Variants in ZNF407 observed in about 807,000 individuals in gnomAD.
ZNF407 encodes the protein zinc finger protein 407.
A neutral mutation model predicts 131.2 loss-of-function variants in ZNF407; 17 were observed. The observed-to-expected ratio is 0.13, with a 90% CI of 0.09 to 0.19. The LOEUF is 0.19. ZNF407 is among the 10% of genes least tolerant of loss of function. The probability of loss-of-function intolerance (pLI) is 1.00; values close to 1 mark genes in which losing one functional copy is unlikely to be tolerated. For missense variants in ZNF407, 2,681 were observed against 2,830.6 expected, an observed-to-expected ratio of 0.95 and a Z score of 1.20; for synonymous variants, 1,156 against 1,062.0, an observed-to-expected ratio of 1.09 and a Z score of -1.72.
chr18:74,997,772 T>A (rs962291487), intron 8 of ZNF407, among the ~76,000 whole-genome samples: 5 of 152,194 alleles, frequency 3.3e-5, no homozygotes, highest in African/African-American at 1.2e-4. Flanking sequence ...CTGCTCTTCT[T>A]CTTCCTGCGT....
intron 3 of ZNF407, among the ~76,000 whole-genome samples, chr18:74,647,054 A>T (rs1040199618): frequency 1.3e-5 from 2 of 152,088 alleles, no homozygotes; most frequent in Non-Finnish European, 2.9e-5. Flanking sequence ...CTGTGTCTAA[A>T]GTCTTTTCCA....
chr18:74,846,211 T>C (rs1212393968), intron 4 of ZNF407, among the ~76,000 whole-genome samples: 5 of 152,218 alleles, frequency 3.3e-5, no homozygotes, highest in African/African-American at 2.4e-5. Context: ...TTAGAAATTA[T>C]TGATATTCAA....
intron 8 of ZNF407, among the ~76,000 whole-genome samples, chr18:74,959,996 TTAC>T (rs1972320518): frequency 6.6e-6 from 1 of 152,244 alleles, no homozygotes; most frequent in Non-Finnish European, 1.5e-5. Flanking sequence ...ATTTAACCAG[TTAC>T]TAATATCACA....
Position 74,903,421 on chromosome 18 carries a change from A to G in ZNF407, c.5249+13383A>G, listed in dbSNP as rs565762326. Among the ~76,000 whole-genome samples the G allele has an allele frequency of 3.2e-4, 49 of 152,288 alleles. 2 individuals carry two copies. The highest frequency in any genetic ancestry group is 1.2e-3 in the African/African-American group (49 of 41,554). On this transcript the variant is annotated intron_variant, in intron 7 of 8. Transcript: ENST00000299687. Reference sequence around the variant, plus strand: ...TTGTATGTATTATTTTATAGAGTTCATGTCCTTTTTGGGAATATATTTCTG... The same window carrying G: ...TTGTATGTATTATTTTATAGAGTTCGTGTCCTTTTTGGGAATATATTTCTG...
At chr18:75,041,033 T>C (rs1251421343) in intron 8 of ZNF407, among the ~76,000 whole-genome samples, 6 of 152,178 alleles carry the variant, frequency 3.9e-5, no homozygotes, top group South Asian at 2.1e-4. Flanking sequence ...GTGTTAAGCA[T>C]TGCTACAGGC....
chr18:75,035,548 C>T (rs1022865627), intron 8 of ZNF407, among the ~76,000 whole-genome samples: 6 of 152,214 alleles, frequency 3.9e-5, no homozygotes, highest in Admixed American at 6.5e-5. Context: ...TATTACTAAT[C>T]ACATCCAATA....
intron 8 of ZNF407, among the ~76,000 whole-genome samples, chr18:74,944,427 T>C (rs1240994233): frequency 6.6e-6 from 1 of 152,204 alleles, no homozygotes; most frequent in Admixed American, 6.5e-5. Context: ...CAAAGATGTA[T>C]GGCCACCAGC....
chr18:74,702,145 A>C (rs971048933), intron 3 of ZNF407, among the ~76,000 whole-genome samples: 2 of 152,202 alleles, frequency 1.3e-5, no homozygotes, highest in Non-Finnish European at 2.9e-5. Flanking sequence ...TGATAACTGC[A>C]GTTTGTATAT....
At chr18:74,763,317 G>A (rs1038875661) in intron 3 of ZNF407, among the ~76,000 whole-genome samples, 2 of 146,786 alleles carry the variant, frequency 1.4e-5, no homozygotes, top group African/African-American at 5.0e-5. Context: ...TATTGAGCAT[G>A]GGATTTCTTT....
chr18:74,762,884 A>C (rs529807620), intron 3 of ZNF407, among the ~76,000 whole-genome samples: 2 of 151,898 alleles, frequency 1.3e-5, no homozygotes, highest in African/African-American at 2.4e-5. Context: ...TGGATATTTG[A>C]AATTATGCTG....
chr18:74,972,775 ATGT>A (rs1441214338), intron 8 of ZNF407, among the ~76,000 whole-genome samples: 3 of 152,084 alleles, frequency 2.0e-5, no homozygotes, highest in South Asian at 2.1e-4. Context: ...TTTAAAAAAA[ATGT>A]ATGTTAGTAT....
Position 75,019,380 on chromosome 18 carries a change from C to T in ZNF407, c.5429-43770C>T, listed in dbSNP as rs141273233. Among the ~76,000 whole-genome samples the T allele has an allele frequency of 1.8e-3, 269 of 152,254 alleles. 1 individual carries two copies. The highest frequency in any genetic ancestry group is 6.2e-3 in the African/African-American group (257 of 41,568). ...GCTGGCAGTGCGACTTGAAAGTGTG[C>T]GCAGTGGTCCTCCTCCCCATATCCA... On this transcript the variant is annotated intron_variant, in intron 8 of 8. Transcript: ENST00000299687.
At position 74,913,603 on chromosome 18, in the gene ZNF407, G is replaced by A. The variant is rs572114836; in HGVS notation, c.5250-6911G>A. ...ACTTCTCCCGAAAGATTGAGAAGAA[G>A]TTAGGGATTGTACCTAGCTGGTCAT... On this transcript the variant is annotated intron_variant, in intron 7 of 8. Transcript: ENST00000299687. Among the ~76,000 whole-genome samples, 48 of 152,332 alleles carry A rather than the reference G, an allele frequency of 3.2e-4. No individual in the cohort carries two copies. In the South Asian group the frequency reaches 9.1e-3, roughly 29 times the overall value.
chr18:74,847,790 A>C (rs1241815658), intron 4 of ZNF407, among the ~76,000 whole-genome samples: 1 of 151,522 alleles, frequency 6.6e-6, no homozygotes, highest in Non-Finnish European at 1.5e-5. Flanking sequence ...CCTTTAAAGA[A>C]TTTTTTGTCA....
At chr18:74,945,747 A>G (rs1972147049) in intron 8 of ZNF407, among the ~76,000 whole-genome samples, 1 of 152,026 alleles carries the variant, frequency 6.6e-6, no homozygotes, top group Non-Finnish European at 1.5e-5. Flanking sequence ...GTTTGTCCTT[A>G]TTTTTTTCTT....
intron 3 of ZNF407, among the ~76,000 whole-genome samples, chr18:74,767,190 G>C (rs1181148694): frequency 1.3e-5 from 2 of 152,198 alleles, no homozygotes; most frequent in African/African-American, 4.8e-5. Flanking sequence ...GGGACTACAG[G>C]TGTGAGCTAC....
intron 3 of ZNF407, among the ~76,000 whole-genome samples, chr18:74,744,327 A>T (rs78731872): frequency 6.6e-6 from 1 of 152,090 alleles, no homozygotes; most frequent in Non-Finnish European, 1.5e-5. Flanking sequence ...TTGATGGCTT[A>T]TGACCTTTGA....
At chr18:74,913,310 C>T (rs573139907) in intron 7 of ZNF407, among the ~76,000 whole-genome samples, 1 of 152,276 alleles carries the variant, frequency 6.6e-6, no homozygotes, top group Admixed American at 6.5e-5. Flanking sequence ...CCTAAATGCC[C>T]ATCAGTGAAG....
chr18:74,629,310 T>TG (rs1161199371), intron 1 of ZNF407, among the ~76,000 whole-genome samples: 49 of 152,346 alleles, frequency 3.2e-4, no homozygotes, highest in African/African-American at 1.0e-3. Flanking sequence ...TGACTACTGA[T>TG]GTAGAGTATC....
Sources: allele counts gnomAD v4.1 joint callset (sites outside exome capture counted in the v4.1 genomes callset), GRCh38; gene constraint gnomAD v4.1.1; transcripts MANE v1.5; gene names NCBI Gene and HGNC (gene_info 2026-07-23, HGNC 2026-07-21).